Variants in CLIP3 observed in about 807,000 individuals in gnomAD.
The protein encoded by CLIP3 is CAP-Gly domain containing linker protein 3.
CLIP3 carries 15 observed loss-of-function variants against 59.4 expected under a neutral mutation model. The observed-to-expected ratio is 0.25, with a 90% confidence interval of 0.17 to 0.39. The LOEUF is 0.39. CLIP3 is among the 10% of genes least tolerant of loss of function. CLIP3 has a pLI of 1.00. For synonymous variants in CLIP3, 300 were observed against 321.6 expected (o/e 0.93, Z 0.72); for missense variants, 495 against 765.7 (o/e 0.65, Z 4.17).
intron 9 of CLIP3, 106 bp downstream of exon 9, chr19:36,018,792 C>T (rs905341204): frequency 4.8e-6 from 7 of 1,457,706 alleles, no homozygotes; most frequent in Middle Eastern, 3.6e-4. Context: ...AGCTTGTCTT[C>T]CAAAACTGGA....
rs369439762 is a variant in CLIP3 at position 36,025,075 on chromosome 19, A to G, written c.682-443T>C. On this transcript the variant is annotated intron_variant, in intron 6 of 13. Transcript: ENST00000360535. ...AGCGAGACTCCGTCTCAAAAAAAAAAAAAAAGAAGGGGCAGGGCAGAAAGG... is the reference window on the plus strand; with the variant it reads ...AGCGAGACTCCGTCTCAAAAAAAAAGAAAAAGAAGGGGCAGGGCAGAAAGG... Among the ~76,000 whole-genome samples the G allele has an allele frequency of 2.0e-5, 3 of 151,756 alleles. No homozygotes were observed. The East Asian group carries it at 5.8e-4, about 29-fold the overall frequency.
rs753584542 is a variant in CLIP3 at position 36,027,039 on chromosome 19, G to A, written c.313C>T (p.Arg105Cys). The A allele has an allele frequency of 4.4e-6, 7 of 1,601,266 alleles. No individual in the cohort carries two copies. The highest frequency in any genetic ancestry group is 6.0e-6 in the Non-Finnish European group (7 of 1,175,686). The stretch of plus-strand genomic sequence containing the variant: ...CGATCGTTCACATGGCAGCCTCGGC[G>A]CAGAATCTGTGAGTACCAGGGGAGC... ...KIDVIGNEIL[R>C]RGCHVNDRDG... The change falls in exon 4 of 14, where the codon CGC becomes TGC. Residue 105 changes from arginine (R) to cysteine (C), a missense_variant. Arg to Cys is a radical substitution (Grantham distance 180). Around this residue, in one of 5 missense-constraint regions of CLIP3, gnomAD observed 26 missense variants for 79.5 expected, o/e 0.33. Transcript: ENST00000360535.
In CLIP3 at chr19:36,026,805, C is replaced by CG; in HGVS notation, c.401-59dup. 5 of 1,566,486 alleles carry CG rather than the reference C, an allele frequency of 3.2e-6. No homozygotes were observed. The highest frequency in any genetic ancestry group is 4.3e-6 in the Non-Finnish European group (5 of 1,160,896). On this transcript the variant is annotated intron_variant, in intron 4 of 13. Transcript: ENST00000360535. The surrounding 1 kb of genome is among the most constrained non-coding windows in gnomAD (Gnocchi z 6.3). ...CATTCCAGAGCATGGGCCCAGTGCA[C>CG]GGGGAGGACCCTGGGCTTCAGGGAC...
chr19:36,017,867 C>T lies in CLIP3; in HGVS notation c.1308G>A (p.Gly436=). ...CCTCACCTGGGGCAAAGTCTGTCTT[C>T]CCGTAGAAGCGCACGATCCCCTGCT... is the stretch of plus-strand genomic sequence containing the variant. ...GQKQGIVRFY[G]KTDFAPGYWY... is the part of the protein sequence containing the mutation. The change falls in exon 10 of 14, where the codon GGG becomes GGA. Residue 436 remains glycine (G), a synonymous_variant. Transcript: ENST00000360535. 1 of 1,614,050 alleles carries T rather than the reference C, an allele frequency of 6.2e-7. No individual in the cohort carries two copies. Among genetic ancestry groups the T allele is most frequent in the South Asian group, 1.1e-5 (1 of 91,082 alleles).
chr19:36,030,114 G>A (rs1287897161), intron 2 of CLIP3, among the ~76,000 whole-genome samples: 1 of 152,058 alleles, frequency 6.6e-6, no homozygotes, highest in African/African-American at 2.4e-5. Flanking sequence ...GGAGTGCAGT[G>A]GTGCAATCCT....
At position 36,015,045 on chromosome 19, in the gene CLIP3, G is replaced by A. The variant is rs1242434243; in HGVS notation, c.*1113C>T. 6.6e-6 allele frequency: 1 copy of A among 152,248 alleles called. No homozygotes were observed. The highest frequency in any genetic ancestry group is 1.9e-4 in the East Asian group (1 of 5,194). 9.4% of individuals were successfully genotyped at this position (152,248 alleles called of 1,614,324 possible). Reference sequence around the variant, plus strand: ...TCCAGGGATGGGAATTCCTGTGTGGGGTTTCCTGGTGCCTGTGAATAGGGC... The same window carrying A: ...TCCAGGGATGGGAATTCCTGTGTGGAGTTTCCTGGTGCCTGTGAATAGGGC... On this transcript the variant is annotated 3_prime_UTR_variant, in exon 14 of 14. Coordinates refer to ENST00000360535, the MANE Select transcript of CLIP3 (RefSeq NM_015526.3).
At chr19:36,028,211 G>A (rs1253709854) in intron 2 of CLIP3, among the ~76,000 whole-genome samples, 3 of 151,528 alleles carry the variant, frequency 2.0e-5, no homozygotes, top group South Asian at 2.1e-4. Context: ...GGTGGTGGGC[G>A]CCGGTAATCC....
chr19:36,023,443 A>G (rs1357320506), intron 7 of CLIP3, among the ~76,000 whole-genome samples: 1 of 151,806 alleles, frequency 6.6e-6, no homozygotes, highest in East Asian at 1.9e-4. Context: ...TTTGGACATC[A>G]CCTCCTCAGA....
chr19:36,021,246 T>C (rs1182419381), intron 7 of CLIP3, among the ~76,000 whole-genome samples: 1 of 151,840 alleles, frequency 6.6e-6, no homozygotes, highest in Non-Finnish European at 1.5e-5. Context: ...ATCTGTAAAA[T>C]AGAGATAGTA....
chr19:36,032,704 C>T lies in CLIP3; in HGVS notation c.-59+20G>A. 5.4e-6 allele frequency: 1 copy of T among 184,448 alleles called. No homozygotes were observed. Among genetic ancestry groups the T allele is most frequent in the Admixed American group, 6.2e-5 (1 of 16,130 alleles). 11.4% of individuals were successfully genotyped at this position (184,448 alleles called of 1,614,324 possible). A position where few individuals can be genotyped will look rare whatever the true frequency, so the allele number is the denominator to read the frequency against. On this transcript the variant is annotated intron_variant, in intron 1 of 13. Coordinates refer to ENST00000360535, the MANE Select transcript of CLIP3 (RefSeq NM_015526.3). The surrounding 1 kb of genome is among the most constrained non-coding windows in gnomAD (Gnocchi z 4.3). Reference sequence around the variant, plus strand: ...CTTCGCCCCTCCCCTTCTCCGCGGGCCGCCCCCTCCCCATCTTACCTCGGG... The same window carrying T: ...CTTCGCCCCTCCCCTTCTCCGCGGGTCGCCCCCTCCCCATCTTACCTCGGG...
chr19:36,030,382 T>C (rs1969224048), intron 2 of CLIP3, among the ~76,000 whole-genome samples: 1 of 152,114 alleles, frequency 6.6e-6, no homozygotes, highest in Admixed American at 6.6e-5. Flanking sequence ...TAGACTGAAG[T>C]CAACTTGTAG....
At chr19:36,018,736 G>A (rs570784581) in intron 9 of CLIP3, among the ~76,000 whole-genome samples, 162 bp downstream of exon 9, 31 of 152,326 alleles carry the variant, frequency 2.0e-4, no homozygotes, top group Middle Eastern at 6.8e-3. Context: ...GGGGGTGCCA[G>A]TACTGAGCCA....
intron 6 of CLIP3, among the ~76,000 whole-genome samples, chr19:36,025,459 C>T (rs911258127): frequency 2.6e-5 from 4 of 151,934 alleles, no homozygotes; most frequent in East Asian, 1.9e-4. Context: ...GGTGTGGTGG[C>T]GCATGCCTAT....
Position 36,017,623 on chromosome 19 carries a change from G to A in CLIP3, c.1451+32C>T, listed in dbSNP as rs533248433. 223 of 1,613,128 alleles carry A rather than the reference G, an allele frequency of 1.4e-4. 3 individuals carry two copies. The South Asian group carries it at 2.2e-3, about 16-fold the overall frequency. ...AGGGGGGATCAGGGCTCCAGGTGGT[G>A]CCCTGGGTTTGGGCTGGAAGTTTGG... is the stretch of plus-strand genomic sequence containing the variant. On this transcript the variant is annotated intron_variant, in intron 11 of 13. Transcript: ENST00000360535.
intron 2 of CLIP3, among the ~76,000 whole-genome samples, chr19:36,028,996 CTTTTTTTTTTTTTTTTT>C (rs71167588): frequency 1.5e-5 from 1 of 65,212 alleles, no homozygotes; most frequent in Non-Finnish European, 2.9e-5. Context: ...ATCTCCTACT[CTTTTTTTTTTTTTTTTT>C]TTTTTTTTTT....
Position 36,016,070 on chromosome 19 carries a change from G to T in CLIP3, c.*88C>A. On this transcript the variant is annotated 3_prime_UTR_variant, in exon 14 of 14. Transcript: ENST00000360535. This position sits in a 1 kb window ranked among gnomAD's most constrained non-coding sequence, Gnocchi z 4.1. ...GTCTCTACTCTGGATGTGTTACTGG[G>T]AATCTCTATCTCAGGGTGACTCAGG... 1 of 1,396,312 alleles carries T rather than the reference G, an allele frequency of 7.2e-7. No homozygotes were observed. Among genetic ancestry groups the T allele is most frequent in the Non-Finnish European group, 1.0e-6 (1 of 990,728 alleles). 86.5% of individuals were successfully genotyped at this position (1,396,312 alleles called of 1,614,324 possible).
intron 6 of CLIP3, 61 bp from the exon 7 acceptor site, chr19:36,024,693 G>T: frequency 1.3e-6 from 2 of 1,507,868 alleles, no homozygotes; most frequent in South Asian, 1.2e-5. Context: ...CCCCATGGAG[G>T]CCCTGCCCCT....
At chr19:36,021,287 A>C (rs1268939712) in intron 7 of CLIP3, among the ~76,000 whole-genome samples, 1 of 151,378 alleles carries the variant, frequency 6.6e-6, no homozygotes, top group Admixed American at 6.6e-5. Flanking sequence ...ATCTGGCGGA[A>C]ACTTTTTTTT....
Position 36,026,712 on chromosome 19 carries a change from G to A in CLIP3, c.436C>T (p.Leu146=), listed in dbSNP as rs1224335355. Residue 146 remains leucine, a synonymous_variant, in exon 5 of 14, where the codon CTG becomes TTG. Transcript: ENST00000360535. The surrounding 1 kb of genome is among the most constrained non-coding windows in gnomAD (Gnocchi z 6.3). ...GTCACATCTGCGCCCAGCGCCAGCA[G>A]CTGCTGCGAGAGGCGCACGGCTGCC... ...PAAAVRLSQQ[L]LALGADVTLR... 1 of 1,604,556 alleles carries A rather than the reference G, an allele frequency of 6.2e-7. No homozygotes were observed. Among genetic ancestry groups the A allele is most frequent in the Non-Finnish European group, 8.5e-7 (1 of 1,177,530 alleles).
Sources: allele counts gnomAD v4.1 joint callset (sites outside exome capture counted in the v4.1 genomes callset), GRCh38; gene constraint gnomAD v4.1.1; regional missense constraint gnomAD v4.1.1; non-coding constraint Gnocchi (gnomAD v3.1); transcripts MANE v1.5; gene names NCBI Gene and HGNC (gene_info 2026-07-23, HGNC 2026-07-21).